AUTS2: variants seen among roughly 807,000 people sequenced by gnomAD.
AUTS2 encodes activator of transcription and developmental regulator AUTS2.
AUTS2 carries 17 observed loss-of-function variants against 112.4 expected under a neutral mutation model. The observed-to-expected ratio is 0.15, with a 90% confidence interval of 0.10 to 0.23. AUTS2 has a LOEUF of 0.23. Ranked by LOEUF, AUTS2 falls within the 10% of genes least tolerant of loss-of-function variation. AUTS2 has a pLI of 1.00. For missense variants in AUTS2, 1,510 were observed against 1,701.6 expected (o/e 0.89, Z 1.98); for synonymous variants, 751 against 702.7 (o/e 1.07, Z -1.09).
chr7:70,503,515 C>CT (rs1378630809), intron 5 of AUTS2, among the ~76,000 whole-genome samples: 6 of 114,484 alleles, frequency 5.2e-5, no homozygotes, highest in Admixed American at 9.1e-5. Flanking sequence ...ACTCCCGTCT[C>CT]ATTTTTTTTT....
In AUTS2 at chr7:70,051,942, T is replaced by C. The variant is rs142596344; in HGVS notation, c.523-66190T>C. Among the ~76,000 whole-genome samples, 775 of 152,330 alleles carry C rather than the reference T, an allele frequency of 5.1e-3. 9 individuals carry two copies. The highest frequency in any genetic ancestry group is 0.018 in the African/African-American group (745 of 41,562). On this transcript the variant is annotated intron_variant, in intron 2 of 18. Transcript: ENST00000342771. Reference sequence around the variant, plus strand: ...TTTGGGGTTTGTGTGGGTAAGATTCTGTTTACCCACTACAGCCATTGTGTG... The same window carrying C: ...TTTGGGGTTTGTGTGGGTAAGATTCCGTTTACCCACTACAGCCATTGTGTG...
At chr7:69,963,980 C>G (rs146341250) in intron 2 of AUTS2, among the ~76,000 whole-genome samples, 114 of 152,220 alleles carry the variant, frequency 7.5e-4, no homozygotes, top group African/African-American at 2.6e-3. Flanking sequence ...AGGTTGATCT[C>G]CCTCCTTCCT....
intron 1 of AUTS2, among the ~76,000 whole-genome samples, chr7:69,796,523 CAAA>C (rs57474916): frequency 4.0e-5 from 5 of 126,148 alleles, no homozygotes; most frequent in Admixed American, 8.1e-5. Flanking sequence ...ACTCTGTTTC[CAAA>C]AAAAAAAAAA....
At chr7:69,833,747 T>C (rs1193915627) in intron 1 of AUTS2, among the ~76,000 whole-genome samples, 1 of 152,200 alleles carries the variant, frequency 6.6e-6, no homozygotes, top group African/African-American at 2.4e-5. Flanking sequence ...TATCCTGATA[T>C]TTGATCCTGA....
chr7:70,460,802 C>T (rs1396271861), intron 5 of AUTS2, among the ~76,000 whole-genome samples: 1 of 152,128 alleles, frequency 6.6e-6, no homozygotes, highest in African/African-American at 2.4e-5. Flanking sequence ...GTTCTCAACC[C>T]TTTAGTATGC....
intron 6 of AUTS2, among the ~76,000 whole-genome samples, chr7:70,761,562 G>A (rs1789564159): frequency 6.6e-6 from 1 of 152,190 alleles, no homozygotes; most frequent in South Asian, 2.1e-4. Context: ...TTTTCCCCCA[G>A]TTGTATACAA....
At position 70,161,780 on chromosome 7, in the gene AUTS2, G is replaced by A. The variant is rs1382111248; in HGVS notation, c.660+27209G>A. 2.6e-5 allele frequency among the ~76,000 whole-genome samples: 4 copies of A among 151,960 alleles called. No individual in the cohort carries two copies. In the East Asian group the frequency reaches 7.7e-4, roughly 29 times the overall value. ...TCCCTTTATTTATAGCCCAGCTTAA[G>A]CCCCAGTGGGTAACACTCCATAAAC... On this transcript the variant is annotated intron_variant, in intron 4 of 18. Coordinates refer to ENST00000342771, the MANE Select transcript of AUTS2 (RefSeq NM_015570.4).
intron 2 of AUTS2, among the ~76,000 whole-genome samples, chr7:69,978,817 G>C (rs1006698689): frequency 6.6e-6 from 1 of 150,628 alleles, no homozygotes; most frequent in Admixed American, 6.6e-5. Context: ...CTGTATTCCA[G>C]CCTGGACGGA....
chr7:70,129,937 G>A (rs1010319066), intron 3 of AUTS2, among the ~76,000 whole-genome samples: 41 of 150,500 alleles, frequency 2.7e-4, no homozygotes, highest in Admixed American at 2.5e-3. Flanking sequence ...GTGTTTGGTC[G>A]GCTATTAGTA....
intron 2 of AUTS2, among the ~76,000 whole-genome samples, chr7:69,904,763 T>C (rs1718946755): frequency 6.6e-6 from 1 of 152,210 alleles, no homozygotes; most frequent in South Asian, 2.1e-4. Context: ...TTATATTTTT[T>C]TCCTTTTTAT....
intron 1 of AUTS2, among the ~76,000 whole-genome samples, chr7:69,898,614 C>G (rs1794848667): frequency 6.6e-6 from 1 of 152,156 alleles, no homozygotes. Context: ...GTTCCCCATT[C>G]AAGGACATTG....
At chr7:70,404,511 G>A (rs1168574864) in intron 4 of AUTS2, among the ~76,000 whole-genome samples, 1 of 152,210 alleles carries the variant, frequency 6.6e-6, no homozygotes, top group Admixed American at 6.5e-5. Context: ...GGGATATGAT[G>A]TACCTTTTCA....
chr7:70,245,423 G>A (rs1377867058), intron 4 of AUTS2, among the ~76,000 whole-genome samples: 2 of 151,898 alleles, frequency 1.3e-5, no homozygotes, highest in Admixed American at 1.3e-4. Context: ...TTTGCCTTGC[G>A]AATACTTACA....
chr7:70,780,795 G>C (rs1270912264), intron 14 of AUTS2, among the ~76,000 whole-genome samples: 1 of 152,136 alleles, frequency 6.6e-6, no homozygotes, highest in Non-Finnish European at 1.5e-5. Context: ...GTGATCATTT[G>C]AAAGTTAGCT....
intron 2 of AUTS2, among the ~76,000 whole-genome samples, chr7:70,014,211 T>A (rs1799929586): frequency 6.6e-6 from 1 of 152,218 alleles, no homozygotes; most frequent in Admixed American, 6.5e-5. Flanking sequence ...GATTCCGAAC[T>A]TGAGGCCTGC....
chr7:70,649,761 C>G (rs1031577017), intron 5 of AUTS2, among the ~76,000 whole-genome samples: 1 of 151,986 alleles, frequency 6.6e-6, no homozygotes, highest in African/African-American at 2.4e-5. Context: ...AATTCTGGAC[C>G]TCGTGATTCA....
At chr7:70,342,378 C>T (rs180770248) in intron 4 of AUTS2, among the ~76,000 whole-genome samples, 1 of 150,258 alleles carries the variant, frequency 6.7e-6, no homozygotes, top group Non-Finnish European at 1.5e-5. Context: ...TGAGAAAATG[C>T]TGAGTATGTG....
At chr7:69,696,129 A>G (rs1797551857) in intron 1 of AUTS2, among the ~76,000 whole-genome samples, 1 of 152,218 alleles carries the variant, frequency 6.6e-6, no homozygotes, top group South Asian at 2.1e-4. Context: ...TTCTCCAGCC[A>G]CAAGGACAAA....
chr7:69,763,579 C>T (rs1788286424), intron 1 of AUTS2, among the ~76,000 whole-genome samples: 2 of 152,134 alleles, frequency 1.3e-5, no homozygotes, highest in Admixed American at 6.6e-5. Flanking sequence ...CAGACTAGAC[C>T]GAGACTGTGG....
Sources: allele counts gnomAD v4.1 joint callset (sites outside exome capture counted in the v4.1 genomes callset), GRCh38; gene constraint gnomAD v4.1.1; transcripts MANE v1.5; gene names NCBI Gene and HGNC (gene_info 2026-07-23, HGNC 2026-07-21).